CNNM4: variants seen among roughly 807,000 people sequenced by gnomAD.
CNNM4 encodes the protein metal transporter CNNM4.
A neutral mutation model predicts 53.7 loss-of-function variants in CNNM4; 32 were observed. The ratio of observed to expected loss-of-function variants is 0.60; its 90% CI spans 0.45 to 0.80. CNNM4 has a LOEUF of 0.80. CNNM4 is among the 30% of genes least tolerant of loss of function. The probability of loss-of-function intolerance (pLI) is 0.00; values close to 1 mark genes in which losing one functional copy is unlikely to be tolerated. For synonymous variants in CNNM4, 410 were observed against 440.0 expected, an observed-to-expected ratio of 0.93 and a Z score of 0.85; for missense variants, 784 against 1,022.0, an observed-to-expected ratio of 0.77 and a Z score of 3.17.
intron 1 of CNNM4, among the ~76,000 whole-genome samples, chr2:96,768,497 G>C (rs927066383): frequency 6.6e-6 from 1 of 152,216 alleles, no homozygotes; most frequent in Non-Finnish European, 1.5e-5. Context: ...TGCTTCTGAA[G>C]TGAGAGTAAC....
chr2:96,783,644 A>G (rs999262045), intron 1 of CNNM4, among the ~76,000 whole-genome samples: 2 of 152,166 alleles, frequency 1.3e-5, no homozygotes, highest in Non-Finnish European at 2.9e-5. Context: ...GAACTGACTT[A>G]TTAGGGAACT....
chr2:96,772,434 G>GCACACACA (rs1558982307), intron 1 of CNNM4, among the ~76,000 whole-genome samples: 1 of 101,372 alleles, frequency 9.9e-6, no homozygotes, highest in African/African-American at 4.0e-5. Context: ...ACACACATGC[G>GCACACACA]CACACACACT....
chr2:96,800,334 C>A lies in CNNM4; in HGVS notation c.1948+686C>A, dbSNP rs117370797. ...CATCTCCTCGCTCCTCTCCAGGCTT[C>A]GGTCCTGGGGCGAGGTTGCTGCAGG... On this transcript the variant is annotated intron_variant, in intron 5 of 6. Coordinates refer to ENST00000377075, the MANE Select transcript of CNNM4 (RefSeq NM_020184.4). The surrounding 1 kb of genome is among the most constrained non-coding windows in gnomAD (Gnocchi z 4.6). Among the ~76,000 whole-genome samples the A allele has an allele frequency of 3.9e-5, 6 of 152,304 alleles. No individual in the cohort carries two copies. The East Asian group carries it at 9.7e-4, about 25-fold the overall frequency.
chr2:96,805,925 C>G (rs1448412850), intron 5 of CNNM4, among the ~76,000 whole-genome samples: 1 of 151,994 alleles, frequency 6.6e-6, no homozygotes, highest in East Asian at 1.9e-4. Flanking sequence ...CACAAAGCCA[C>G]CATTGTCATC....
rs767548232 is a variant in CNNM4, at chr2:96,809,421, C to T, written c.2232C>T (p.Ala744=). The T allele has an allele frequency of 1.2e-5, 19 of 1,614,056 alleles. No homozygotes were observed. Among genetic ancestry groups the T allele is most frequent in the African/African-American group, 2.7e-5 (2 of 74,914 alleles). ...DGCTTHMENL[A]EKSELPVVDE... ...GCACCACCCACATGGAGAACTTGGCCGAGAAGTCTGAGCTGCCTGTGGTGG... is the reference window on the plus strand; with the variant it reads ...GCACCACCCACATGGAGAACTTGGCTGAGAAGTCTGAGCTGCCTGTGGTGG... Residue 744 remains alanine, a synonymous_variant, in exon 7 of 7, where the codon GCC becomes GCT. Transcript: ENST00000377075.
intron 5 of CNNM4, among the ~76,000 whole-genome samples, chr2:96,806,560 G>T (rs187026507): frequency 6.8e-6 from 1 of 146,070 alleles, no homozygotes; most frequent in Non-Finnish European, 1.5e-5. Flanking sequence ...CGCGCCCTTA[G>T]TTAAAAATTG....
At chr2:96,791,075 G>A (rs1439317141) in intron 1 of CNNM4, among the ~76,000 whole-genome samples, 5 of 147,070 alleles carry the variant, frequency 3.4e-5, no homozygotes, top group Admixed American at 2.1e-4. Flanking sequence ...AGCTGAGATC[G>A]CACCACTGCA....
chr2:96,775,977 C>T (rs2078920384), intron 1 of CNNM4, among the ~76,000 whole-genome samples: 2 of 151,508 alleles, frequency 1.3e-5, no homozygotes, highest in African/African-American at 4.8e-5. Flanking sequence ...CTTCCCTCCT[C>T]GGCCTCCTAA....
rs774736811 is a variant in CNNM4, at chr2:96,800,564, T to G, written c.1948+916T>G. Among the ~76,000 whole-genome samples, 1 of 151,968 alleles carries G rather than the reference T, an allele frequency of 6.6e-6. No homozygotes were observed. Among genetic ancestry groups the G allele is most frequent in the Non-Finnish European group, 1.5e-5 (1 of 67,992 alleles). ...GTCCTCGGCCCCTCCACCAGATGAG[T>G]GGGGCATGGCAGGCTCCCTGGGCAG... is the stretch of plus-strand genomic sequence containing the variant. On this transcript the variant is annotated intron_variant, in intron 5 of 6. Coordinates refer to ENST00000377075, the MANE Select transcript of CNNM4 (RefSeq NM_020184.4). The surrounding 1 kb of genome is among the most constrained non-coding windows in gnomAD (Gnocchi z 4.6).
intron 1 of CNNM4, among the ~76,000 whole-genome samples, chr2:96,774,199 G>A (rs747574659): frequency 2.6e-5 from 4 of 152,132 alleles, no homozygotes; most frequent in Non-Finnish European, 5.9e-5. Flanking sequence ...TGCCAGTCAC[G>A]TGTTTTCATT....
At chr2:96,769,001 C>T (rs1007542583) in intron 1 of CNNM4, among the ~76,000 whole-genome samples, 1 of 152,226 alleles carries the variant, frequency 6.6e-6, no homozygotes, top group South Asian at 2.1e-4. Context: ...CCTGTAATCC[C>T]AGCACTTTGG....
chr2:96,775,879 C>G (rs967620960), intron 1 of CNNM4, among the ~76,000 whole-genome samples: 2 of 150,624 alleles, frequency 1.3e-5, no homozygotes, highest in African/African-American at 4.9e-5. Flanking sequence ...GTGTGGGCCA[C>G]CACGCCTGGC....
At chr2:96,795,217 G>A (rs2079092292) in intron 1 of CNNM4, among the ~76,000 whole-genome samples, 1 of 152,244 alleles carries the variant, frequency 6.6e-6, no homozygotes, top group African/African-American at 2.4e-5. Context: ...CTTTCTGGAG[G>A]GCACTCCTGT....
intron 1 of CNNM4, among the ~76,000 whole-genome samples, chr2:96,776,372 C>T (rs1406988625): frequency 6.6e-6 from 1 of 151,974 alleles, no homozygotes; most frequent in Non-Finnish European, 1.5e-5. Flanking sequence ...TACATAATAG[C>T]TATTTTCACA....
intron 1 of CNNM4, among the ~76,000 whole-genome samples, chr2:96,789,510 C>T (rs952724268): frequency 6.6e-6 from 1 of 152,046 alleles, no homozygotes; most frequent in African/African-American, 2.4e-5. Context: ...GGACAGAGGT[C>T]GCTGGAGGGC....
chr2:96,811,741 T>C lies in CNNM4; in HGVS notation c.*2224T>C, dbSNP rs931711140. 6.5e-6 allele frequency: 1 copy of C among 152,676 alleles called. No homozygotes were observed. Among genetic ancestry groups the C allele is most frequent in the Non-Finnish European group, 1.5e-5 (1 of 68,052 alleles). 9.5% of individuals were successfully genotyped at this position (152,676 alleles called of 1,614,324 possible). ...ATTTGTATATTTTTGTGATTTATTT[T>C]GGCGTTATGAGTTTGACTCTCGGGG... On this transcript the variant is annotated 3_prime_UTR_variant, in exon 7 of 7. Coordinates refer to ENST00000377075, the MANE Select transcript of CNNM4 (RefSeq NM_020184.4).
In CNNM4 at chr2:96,811,265, G is replaced by C. The variant is rs2079255193; in HGVS notation, c.*1748G>C. 1 of 152,234 alleles carries C rather than the reference G, an allele frequency of 6.6e-6. No individual in the cohort carries two copies. Among genetic ancestry groups the C allele is most frequent in the Admixed American group, 6.5e-5 (1 of 15,290 alleles). The allele number at this position is 152,234 out of a possible 1,614,324, so 9.4% of individuals were successfully genotyped here. On this transcript the variant is annotated 3_prime_UTR_variant, in exon 7 of 7. Coordinates refer to ENST00000377075, the MANE Select transcript of CNNM4 (RefSeq NM_020184.4). ...AAAGACACCAGACTTTTGTTCCCTA[G>C]TGGGGGAAAGCCCTTAGTCTTGTAC...
intron 1 of CNNM4, among the ~76,000 whole-genome samples, chr2:96,783,123 A>G (rs1411110330): frequency 6.6e-6 from 1 of 152,202 alleles, no homozygotes; most frequent in Non-Finnish European, 1.5e-5. Context: ...GTTGCCAAAA[A>G]GGTTCAAAGA....
rs982050899 is a variant in CNNM4 at position 96,811,349 on chromosome 2, C to G, written c.*1832C>G. On this transcript the variant is annotated 3_prime_UTR_variant, in exon 7 of 7. Transcript: ENST00000377075. Reference sequence around the variant, plus strand: ...TGGCAGAGCTATATTCCTGACAGCCCTGACTGCCAGGTAGAGCAAAAGACA... The same window carrying G: ...TGGCAGAGCTATATTCCTGACAGCCGTGACTGCCAGGTAGAGCAAAAGACA... 2.0e-5 allele frequency: 3 copies of G among 152,272 alleles called. No individual in the cohort carries two copies. The highest frequency in any genetic ancestry group is 4.4e-5 in the Non-Finnish European group (3 of 68,104). The allele number at this position is 152,272 out of a possible 1,614,324, so 9.4% of individuals were successfully genotyped here.
Sources: allele counts gnomAD v4.1 joint callset (sites outside exome capture counted in the v4.1 genomes callset), GRCh38; gene constraint gnomAD v4.1.1; non-coding constraint Gnocchi (gnomAD v3.1); transcripts MANE v1.5; gene names NCBI Gene and HGNC (gene_info 2026-07-23, HGNC 2026-07-21).